Variants in TASP1 observed in about 807,000 individuals in gnomAD.
TASP1 encodes threonine aspartase 1.
TASP1 carries 16 observed loss-of-function variants against 56.6 expected under a neutral mutation model. The ratio of observed to expected loss-of-function variants is 0.28; its 90% CI spans 0.19 to 0.43. The LOEUF is 0.43. TASP1 is among the 20% of genes least tolerant of loss of function. The pLI is 1.00. For synonymous variants in TASP1, 179 were observed against 184.2 expected (o/e 0.97, Z 0.23); for missense variants, 393 against 511.6 (o/e 0.77, Z 2.24).
At chr20:13,253,023 T>C in the TASP1 span, among the ~76,000 whole-genome samples, 1 of 152,200 alleles carries the variant, frequency 6.6e-6, no homozygotes, top group Non-Finnish European at 1.5e-5. Flanking sequence ...CAACCTGTCC[T>C]TCCCCATGGA....
At chr20:13,449,010 T>G (rs1600830052) in intron 11 of TASP1, among the ~76,000 whole-genome samples, 2 of 152,146 alleles carry the variant, frequency 1.3e-5, no homozygotes, top group African/African-American at 4.8e-5. Context: ...AAGAATTCAC[T>G]GATACAGTGT....
rs185540517 is a variant in TASP1 at position 13,629,445 on chromosome 20, G to A, written c.145+489C>T. On this transcript the variant is annotated intron_variant, in intron 2 of 13. Coordinates refer to ENST00000337743, the MANE Select transcript of TASP1 (RefSeq NM_017714.3). ...CCCTAAGATACCCACAGTCTCACAT[G>A]GGAATCAATACAATTTTTTCAGCAA... 3.6e-3 allele frequency among the ~76,000 whole-genome samples: 550 copies of A among 150,902 alleles called. 3 individuals carry two copies. The highest frequency in any genetic ancestry group is 6.1e-3 in the Non-Finnish European group (412 of 67,882).
intron 7 of TASP1, among the ~76,000 whole-genome samples, chr20:13,566,771 T>C (rs992844897): frequency 1.3e-5 from 2 of 152,066 alleles, no homozygotes; most frequent in South Asian, 2.1e-4. Context: ...TATTAAAAAG[T>C]CAAAAGATAA....
chr20:13,295,070 G>A, the TASP1 span, among the ~76,000 whole-genome samples: 6 of 152,096 alleles, frequency 3.9e-5, no homozygotes, highest in East Asian at 7.8e-4. Flanking sequence ...CACCCTGACC[G>A]TGTGATTTCC....
At chr20:13,592,397 C>CAAAAAAA (rs34379997) in intron 4 of TASP1, among the ~76,000 whole-genome samples, 1 of 138,296 alleles carries the variant, frequency 7.2e-6, no homozygotes. Flanking sequence ...AACACTGTCT[C>CAAAAAAA]AAAAAAAAAA....
At chr20:13,237,717 T>C in the TASP1 span, 1 of 152,188 alleles carries the variant, frequency 6.6e-6, no homozygotes. Flanking sequence ...ACTTCAATTT[T>C]AATAAAAGAG....
Position 13,591,620 on chromosome 20 carries a change from TA to T in TASP1, c.283-4251del, listed in dbSNP as rs1271477976. On this transcript the variant is annotated intron_variant, in intron 4 of 13. Coordinates refer to ENST00000337743, the MANE Select transcript of TASP1 (RefSeq NM_017714.3). ...GGCCAAACAAAAAAGACACCACATG[TA>T]AATCTGGGATATGCAAAAGAATGCA... Among the ~76,000 whole-genome samples the T allele has an allele frequency of 7.2e-5, 11 of 152,306 alleles. 1 individual carries two copies. In the East Asian group the frequency reaches 7.7e-4, roughly 11 times the overall value.
the TASP1 span, among the ~76,000 whole-genome samples, chr20:13,312,269 A>C: frequency 6.6e-6 from 1 of 152,166 alleles, no homozygotes; most frequent in South Asian, 2.1e-4. Context: ...TGCACATGTG[A>C]GTTCACAGCC....
chr20:13,268,905 C>A, the TASP1 span, among the ~76,000 whole-genome samples: 4 of 152,098 alleles, frequency 2.6e-5, no homozygotes, highest in African/African-American at 4.8e-5. Flanking sequence ...CAGAGCAAGA[C>A]CCTGTCTCTA....
At chr20:13,497,302 G>C (rs115518056) in intron 10 of TASP1, among the ~76,000 whole-genome samples, 2 of 152,126 alleles carry the variant, frequency 1.3e-5, no homozygotes, top group Non-Finnish European at 2.9e-5. Context: ...ACCAAGCAAT[G>C]GGAAAAGTAA....
chr20:13,233,724 T>C, the TASP1 span, among the ~76,000 whole-genome samples: 4 of 151,940 alleles, frequency 2.6e-5, no homozygotes, highest in South Asian at 8.3e-4. Context: ...GTGACTCACA[T>C]AGGATTCTCA....
the TASP1 span, among the ~76,000 whole-genome samples, chr20:13,162,925 A>G: frequency 6.6e-6 from 1 of 152,138 alleles, no homozygotes; most frequent in Non-Finnish European, 1.5e-5. Flanking sequence ...AGCAAGCTAA[A>G]GAAACCTAAC....
chr20:13,522,401 C>T (rs532335172), intron 10 of TASP1, among the ~76,000 whole-genome samples: 9 of 152,196 alleles, frequency 5.9e-5, no homozygotes, highest in East Asian at 3.9e-4. Flanking sequence ...TGGCCATTAA[C>T]GTGCTGAGAA....
intron 7 of TASP1, among the ~76,000 whole-genome samples, chr20:13,565,006 C>CAA (rs758976806): frequency 4.8e-5 from 3 of 61,928 alleles, no homozygotes; most frequent in Non-Finnish European, 7.4e-5. Context: ...GACTCCATCT[C>CAA]AAAAAAAAAA....
chr20:13,348,159 G>A, the TASP1 span, among the ~76,000 whole-genome samples: 1 of 152,162 alleles, frequency 6.6e-6, no homozygotes, highest in African/African-American at 2.4e-5. Flanking sequence ...AAAATGTTGA[G>A]GTAATGACAA....
At chr20:13,393,427 C>G in intron 13 of TASP1, 1 of 773,952 alleles carries the variant, frequency 1.3e-6, no homozygotes, top group Non-Finnish European at 2.3e-6. Context: ...CTGGAGAAAC[C>G]TGCCAAATAT....
At chr20:13,630,827 A>C (rs2049061043) in intron 1 of TASP1, among the ~76,000 whole-genome samples, 2 of 152,096 alleles carry the variant, frequency 1.3e-5, no homozygotes, top group South Asian at 4.1e-4. Context: ...AGTGTTTATT[A>C]CCAGCCCACA....
the TASP1 span, among the ~76,000 whole-genome samples, chr20:13,323,416 T>C: frequency 0.015 from 2,340 of 152,322 alleles, 57 homozygotes; most frequent in African/African-American, 0.053. Flanking sequence ...TATTGAACCG[T>C]GGTTCCCATA....
At chr20:13,508,053 C>T (rs2044194389) in intron 10 of TASP1, among the ~76,000 whole-genome samples, 1 of 151,912 alleles carries the variant, frequency 6.6e-6, no homozygotes, top group Non-Finnish European at 1.5e-5. Context: ...GATCCTTATA[C>T]CATACACAAA....
Sources: allele counts gnomAD v4.1 joint callset (sites outside exome capture counted in the v4.1 genomes callset), GRCh38; gene constraint gnomAD v4.1.1; transcripts MANE v1.5; gene names NCBI Gene and HGNC (gene_info 2026-07-23, HGNC 2026-07-21).